The following USP32 variants were observed in gnomAD, a reference collection of about 807,000 sequenced individuals.
USP32 encodes the protein ubiquitin specific peptidase 32.
Under a neutral mutation model 204.8 loss-of-function variants are expected in USP32, and 59 were observed. The observed-to-expected ratio is 0.29, with a 90% CI of 0.23 to 0.36. The LOEUF is 0.36. USP32 is among the 10% of genes least tolerant of loss of function. The pLI is 1.00. For missense variants in USP32, 1,160 were observed against 1,946.4 expected (o/e 0.60, Z 7.60); for synonymous variants, 517 against 678.4 (o/e 0.76, Z 3.70).
rs1347943012 is a variant in USP32, at chr17:60,421,312, A to G, written c.106+934T>C. ...AACATGCTGGCATAGAGGACAAGTT[A>G]AAAAGTTTCTGGACTCAAAGGGTGC... On this transcript the variant is annotated intron_variant, in intron 1 of 3. Transcript: ENST00000588898. 4 of 939,242 alleles carry G rather than the reference A, an allele frequency of 4.3e-6. No individual in the cohort carries two copies. The East Asian group carries it at 3.5e-4, about 82-fold the overall frequency. The allele number at this position is 939,242 out of a possible 1,614,324, so 58.2% of individuals were successfully genotyped here.
intron 11 of USP32, among the ~76,000 whole-genome samples, chr17:60,237,295 G>A (rs1321713034): frequency 2.8e-5 from 4 of 144,838 alleles, no homozygotes; most frequent in Non-Finnish European, 5.9e-5. Flanking sequence ...TGTGTGCTAT[G>A]CCCAGCTAAT....
chr17:60,360,087 C>T (rs2089171311), intron 1 of USP32, among the ~76,000 whole-genome samples: 1 of 151,364 alleles, frequency 6.6e-6, no homozygotes, highest in South Asian at 2.1e-4. Flanking sequence ...CCAGGATGGT[C>T]TTGATCTCCT....
At chr17:60,207,199 A>G in intron 24 of USP32, 67 bp from the exon 25 acceptor site, 8 of 1,529,980 alleles carry the variant, frequency 5.2e-6, no homozygotes, top group Non-Finnish European at 6.1e-6. Flanking sequence ...TTCTCTCTCT[A>G]ACATATTTCA....
At chr17:60,274,873 C>A (rs1021343273) in intron 5 of USP32, among the ~76,000 whole-genome samples, 3 of 152,152 alleles carry the variant, frequency 2.0e-5, no homozygotes, top group Non-Finnish European at 4.4e-5. Flanking sequence ...GCATGGCTTA[C>A]ACCCACAACT....
intron 1 of USP32, among the ~76,000 whole-genome samples, chr17:60,378,152 T>C (rs1008147958): frequency 4.0e-5 from 6 of 151,694 alleles, no homozygotes; most frequent in African/African-American, 1.5e-4. Flanking sequence ...AATAGACATG[T>C]CTCCAAAAAA....
intron 1 of USP32, among the ~76,000 whole-genome samples, chr17:60,354,745 T>A (rs2089029303): frequency 6.6e-6 from 1 of 151,988 alleles, no homozygotes; most frequent in South Asian, 2.1e-4. Flanking sequence ...AACAAATGAA[T>A]CCAAAAAAGT....
At position 60,288,522 on chromosome 17, in the gene USP32, C is replaced by A; in HGVS notation, c.571+1G>T. On this transcript the variant is annotated splice_donor_variant, in intron 5 of 33. Transcript: ENST00000300896. LOFTEE classifies it high-confidence loss of function. The stretch of plus-strand genomic sequence containing the variant: ...GAAAACAATGAAATGTCATTACTTA[C>A]AATGTGTGACTCCAGCCAGAGTTTG... The A allele has an allele frequency of 1.3e-6, 2 of 1,583,706 alleles. No homozygotes were observed. Among genetic ancestry groups the A allele is most frequent in the Non-Finnish European group, 1.7e-6 (2 of 1,170,516 alleles).
chr17:60,319,046 T>A (rs921998163), intron 2 of USP32, among the ~76,000 whole-genome samples: 6 of 152,158 alleles, frequency 3.9e-5, no homozygotes, highest in Non-Finnish European at 7.3e-5. Context: ...AATCGGCAAA[T>A]TCATAAAGAC....
chr17:60,190,620 G>C lies in USP32; in HGVS notation c.3585C>G (p.Ile1195Met), dbSNP rs1232846049. 3 of 1,606,296 alleles carry C rather than the reference G, an allele frequency of 1.9e-6. No individual in the cohort carries two copies. The highest frequency in any genetic ancestry group is 1.7e-4 in the Middle Eastern group (1 of 6,048). ...GGGCTGTGGGATCCCAATCCACAGC[G>C]ATATAGGCATTTCCAATGAAAGCTC... is the stretch of plus-strand genomic sequence containing the variant. ...EDRAFIGNAY[I>M]AVDWDPTALH... The change falls in exon 29 of 34, where the codon ATC (isoleucine) becomes ATG (methionine). Residue 1195 changes from isoleucine to methionine, a missense_variant. Around this residue, in one of 8 missense-constraint regions of USP32, gnomAD observed 160 missense variants for 322.5 expected, o/e 0.50. Transcript: ENST00000300896.
chr17:60,398,460 G>C lies in USP32; in HGVS notation c.106+23786C>G, dbSNP rs184980763. ...TGTTTAGTCACTGGTGTTCTGGCCG[G>C]AGGGAAGCAAAGAGAATCAAATCTG... On this transcript the variant is annotated intron_variant, in intron 1 of 3. Transcript: ENST00000588898. Among the ~76,000 whole-genome samples the C allele has an allele frequency of 1.3e-3, 194 of 152,250 alleles. 1 individual carries two copies. Among genetic ancestry groups the C allele is most frequent in the African/African-American group, 4.4e-3 (181 of 41,550 alleles).
intron 9 of USP32, among the ~76,000 whole-genome samples, chr17:60,259,880 C>T (rs1326082756): frequency 1.3e-5 from 2 of 152,114 alleles, no homozygotes; most frequent in African/African-American, 4.8e-5. Context: ...ATTAGAAGTG[C>T]TTGGGGTCTT....
At chr17:60,303,836 A>T (rs572560511) in intron 2 of USP32, among the ~76,000 whole-genome samples, 1 of 152,172 alleles carries the variant, frequency 6.6e-6, no homozygotes. Flanking sequence ...AGAGTTGCAT[A>T]AGAGATTATC....
In USP32 at chr17:60,179,206, G is replaced by A; in HGVS notation, c.*49C>T. On this transcript the variant is annotated 3_prime_UTR_variant, in exon 34 of 34. Transcript: ENST00000300896. ...CGCTTTTGCCAAATGTCAGCTACAA[G>A]GAGTCATCTCCCTCACCGCCAAGCT... The A allele has an allele frequency of 1.3e-6, 2 of 1,568,796 alleles. No homozygotes were observed. The highest frequency in any genetic ancestry group is 1.7e-6 in the Non-Finnish European group (2 of 1,151,886).
chr17:60,355,211 C>T (rs1037689453), intron 1 of USP32, among the ~76,000 whole-genome samples: 2 of 151,934 alleles, frequency 1.3e-5, no homozygotes, highest in African/African-American at 2.4e-5. Context: ...TCTGTGATTC[C>T]CCAAGTTCTA....
At chr17:60,213,250 TACTCAA>T (rs961244558) in intron 18 of USP32, among the ~76,000 whole-genome samples, 4 of 152,174 alleles carry the variant, frequency 2.6e-5, no homozygotes, top group African/African-American at 9.7e-5. Context: ...TTGTTCTTTT[TACTCAA>T]ACTCAAAGCA....
At chr17:60,382,842 C>A (rs912895432) in intron 1 of USP32, among the ~76,000 whole-genome samples, 3 of 152,130 alleles carry the variant, frequency 2.0e-5, no homozygotes, top group South Asian at 4.1e-4. Context: ...AAGTACAATA[C>A]TTACCCCATA....
At position 60,178,223 on chromosome 17, in the gene USP32, C is replaced by A. The variant is rs528799200; in HGVS notation, c.*1032G>T. On this transcript the variant is annotated 3_prime_UTR_variant, in exon 34 of 34. Transcript: ENST00000300896. ...ATGTGTTTTGTTTGTAATTTATAGC[C>A]CTTAGAGCCATCAAATACACACAAG... 5.1e-4 allele frequency among the ~76,000 whole-genome samples: 78 copies of A among 152,102 alleles called. No individual in the cohort carries two copies. Among genetic ancestry groups the A allele is most frequent in the Non-Finnish European group, 9.8e-4 (67 of 68,034 alleles).
At chr17:60,404,170 G>A (rs568852283) in intron 1 of USP32, among the ~76,000 whole-genome samples, 2 of 152,294 alleles carry the variant, frequency 1.3e-5, no homozygotes, top group South Asian at 4.1e-4. Flanking sequence ...ATGGAATGTA[G>A]CAGAAGTGAT....
At chr17:60,337,293 T>C (rs746025483) in intron 2 of USP32, among the ~76,000 whole-genome samples, 1 of 152,234 alleles carries the variant, frequency 6.6e-6, no homozygotes, top group Non-Finnish European at 1.5e-5. Context: ...TTGATCACTA[T>C]GTCTAAAAAC....
Sources: gnomAD v4.1 joint callset for allele counts (sites outside exome capture counted in the v4.1 genomes callset) on GRCh38, gnomAD v4.1.1 for gene constraint, gnomAD v4.1.1 regional missense constraint, MANE v1.5 for transcripts, NCBI Gene and HGNC (gene_info 2026-07-23, HGNC 2026-07-21) for gene names.